TENM1: variants seen among roughly 807,000 people sequenced by gnomAD.
TENM1 encodes teneurin transmembrane protein 1.
A neutral mutation model predicts 174.8 loss-of-function variants in TENM1; 35 were observed. The ratio of observed to expected loss-of-function variants is 0.20; its 90% CI spans 0.15 to 0.27. The LOEUF (loss-of-function observed/expected upper bound fraction) is 0.27, where lower values mean the gene tolerates loss of function less well. Ranked by LOEUF, TENM1 falls within the 10% of genes least tolerant of loss-of-function variation. The pLI, the probability that TENM1 is intolerant of heterozygous loss-of-function variation, is 1.00. For missense variants in TENM1, 1,633 were observed against 2,130.1 expected, an observed-to-expected ratio of 0.77 and a Z score of 4.59; for synonymous variants, 781 against 798.7, an observed-to-expected ratio of 0.98 and a Z score of 0.37.
the TENM1 span, among the ~76,000 whole-genome samples, chrX:125,073,457 T>C: frequency 9.0e-6 from 1 of 111,725 alleles, no homozygotes; most frequent in African/African-American, 3.3e-5. Context: ...AATGATAGCA[T>C]AGTTTTTAAA....
At chrX:124,884,026 C>T (rs1215554811) in intron 3 of TENM1, among the ~76,000 whole-genome samples, 1 of 111,291 alleles carries the variant, frequency 9.0e-6, no homozygotes, top group African/African-American at 3.3e-5. Flanking sequence ...TCAGTGGCTG[C>T]ACTGTGTCCC....
intron 4 of TENM1, among the ~76,000 whole-genome samples, chrX:124,710,176 C>A (rs951972397): frequency 6.3e-5 from 7 of 110,643 alleles, no homozygotes; most frequent in African/African-American, 2.0e-4. Flanking sequence ...TACTAGTGAG[C>A]AAGAAGTGTA....
intron 3 of TENM1, among the ~76,000 whole-genome samples, chrX:124,863,522 G>A (rs2056950928): frequency 8.9e-6 from 1 of 112,094 alleles, no homozygotes; most frequent in Non-Finnish European, 1.9e-5. Context: ...TACCAGGCGA[G>A]GTTCCTCTGT....
intron 3 of TENM1, among the ~76,000 whole-genome samples, chrX:124,830,749 A>T (rs1306072904): frequency 9.0e-6 from 1 of 111,420 alleles, no homozygotes; most frequent in Non-Finnish European, 1.9e-5. Flanking sequence ...CGTATAATGA[A>T]GAAAAAAAAT....
intron 1 of TENM1, among the ~76,000 whole-genome samples, chrX:124,904,070 C>A (rs974092171): frequency 9.2e-6 from 1 of 108,431 alleles, no homozygotes; most frequent in African/African-American, 3.4e-5. Flanking sequence ...TGTGTGTGTG[C>A]GTGTGTGTGT....
chrX:124,761,502 T>C (rs1270043528), intron 3 of TENM1, among the ~76,000 whole-genome samples: 1 of 87,795 alleles, frequency 1.1e-5, no homozygotes, highest in African/African-American at 4.5e-5. Flanking sequence ...ACGAGAACAA[T>C]TGGACACAGA....
At chrX:124,860,008 C>T (rs924429446) in intron 3 of TENM1, among the ~76,000 whole-genome samples, 1 of 111,970 alleles carries the variant, frequency 8.9e-6, no homozygotes, top group Non-Finnish European at 1.9e-5. Context: ...TTCCCCCTTT[C>T]CTATAAATGA....
At chrX:124,823,337 C>A (rs2056083056) in intron 3 of TENM1, among the ~76,000 whole-genome samples, 1 of 111,677 alleles carries the variant, frequency 9.0e-6, no homozygotes, top group South Asian at 3.7e-4. Flanking sequence ...TAAAGCTGAT[C>A]CTCAAATAAA....
intron 3 of TENM1, among the ~76,000 whole-genome samples, chrX:124,776,323 T>C (rs917840143): frequency 8.9e-6 from 1 of 111,969 alleles, no homozygotes; most frequent in Admixed American, 9.4e-5. Context: ...TGGGTAAATC[T>C]AAATAAGCAT....
intron 3 of TENM1, among the ~76,000 whole-genome samples, chrX:124,842,244 C>T (rs1475444809): frequency 8.9e-6 from 1 of 111,759 alleles, no homozygotes; most frequent in Non-Finnish European, 1.9e-5. Context: ...ATAAATATTT[C>T]TGAAATGAGT....
intron 23 of TENM1, among the ~76,000 whole-genome samples, chrX:124,432,324 C>T (rs1006189345): frequency 4.5e-5 from 5 of 111,828 alleles, no homozygotes; most frequent in African/African-American, 1.6e-4. Flanking sequence ...CCTAAAATTC[C>T]TGTGGCAGAG....
the TENM1 span, among the ~76,000 whole-genome samples, chrX:125,030,369 CA>C: frequency 1.8e-5 from 2 of 111,779 alleles, no homozygotes; most frequent in African/African-American, 6.5e-5. Flanking sequence ...GTTGGCCTAC[CA>C]AAAACAATCA....
the TENM1 span, among the ~76,000 whole-genome samples, chrX:125,028,074 T>G: frequency 8.9e-6 from 1 of 111,809 alleles, no homozygotes; most frequent in Non-Finnish European, 1.9e-5. Flanking sequence ...GTTGAGGATA[T>G]TCATGCTCTT....
At chrX:125,059,670 T>G in the TENM1 span, among the ~76,000 whole-genome samples, 1 of 111,687 alleles carries the variant, frequency 9.0e-6, no homozygotes, top group Non-Finnish European at 1.9e-5. Flanking sequence ...ATTATTTTTC[T>G]TTTTAGATTC....
the TENM1 span, among the ~76,000 whole-genome samples, chrX:125,162,072 C>G: frequency 9.0e-6 from 1 of 111,681 alleles, no homozygotes; most frequent in Non-Finnish European, 1.9e-5. Context: ...TAACAAGAAT[C>G]AACTAGGTTT....
chrX:124,825,113 T>C (rs776369525), intron 3 of TENM1, among the ~76,000 whole-genome samples: 254 of 108,484 alleles, frequency 2.3e-3, no homozygotes, highest in Non-Finnish European at 4.4e-3. Flanking sequence ...TGATATTCTA[T>C]TAGTAGAAAT....
chrX:125,077,734 A>T, the TENM1 span, among the ~76,000 whole-genome samples: 1 of 111,368 alleles, frequency 9.0e-6, no homozygotes. Context: ...TGGACAAAGG[A>T]GAACAAGGAG....
At chrX:124,799,875 A>G (rs978607386) in intron 3 of TENM1, among the ~76,000 whole-genome samples, 1 of 111,491 alleles carries the variant, frequency 9.0e-6, no homozygotes, top group Non-Finnish European at 1.9e-5. Context: ...GGTTTTTGTC[A>G]TTGCTTCTGT....
exon 30 of TENM1, chrX:124,384,687 C>G: frequency 1.7e-6 from 2 of 1,211,085 alleles, no homozygotes; most frequent in Non-Finnish European, 2.2e-6. Context: ...CCAAACTGCT[C>G]TGTTCTGCCA....
Sources: gnomAD v4.1 joint callset for allele counts (sites outside exome capture counted in the v4.1 genomes callset) on GRCh38, gnomAD v4.1.1 for gene constraint, MANE v1.5 for transcripts, NCBI Gene and HGNC (gene_info 2026-07-23, HGNC 2026-07-21) for gene names.